The following SEM1 variants were observed in gnomAD, a reference collection of about 807,000 sequenced individuals.
SEM1 encodes 26S proteasome complex subunit SEM1.
Under a neutral mutation model 12.7 loss-of-function variants are expected in SEM1, and 3 were observed. The ratio of observed to expected loss-of-function variants is 0.24; its 90% CI spans 0.11 to 0.61. The LOEUF is 0.61. Among genes scored for constraint, SEM1 ranks in the 20% least tolerant of loss-of-function variants. The pLI is 0.88. For synonymous variants in SEM1, 30 were observed against 27.8 expected (o/e 1.08, Z -0.25); for missense variants, 59 against 81.3 (o/e 0.73, Z 1.06).
intron 2 of SEM1, among the ~76,000 whole-genome samples, chr7:96,588,384 AC>A: frequency 1.7e-5 from 1 of 57,884 alleles, no homozygotes; most frequent in African/African-American, 3.8e-5. Flanking sequence ...ACACACACAC[AC>A]ACACACACAC....
At chr7:96,616,990 G>A (rs914965836) in intron 2 of SEM1, among the ~76,000 whole-genome samples, 2 of 152,100 alleles carry the variant, frequency 1.3e-5, no homozygotes, top group Admixed American at 1.3e-4. Context: ...AATGCCTCCA[G>A]CTTAGTTCTT....
intron 1 of SEM1, among the ~76,000 whole-genome samples, chr7:96,705,459 T>A (rs974023357): frequency 1.4e-4 from 22 of 151,970 alleles, no homozygotes; most frequent in Non-Finnish European, 2.2e-4. Context: ...AATCCACATC[T>A]AATTGTCAGA....
intron 2 of SEM1, among the ~76,000 whole-genome samples, chr7:96,576,369 T>C (rs1275378654): frequency 6.6e-6 from 1 of 152,218 alleles, no homozygotes; most frequent in East Asian, 1.9e-4. Context: ...TAGTTACCCT[T>C]GACTTTTATG....
chr7:96,529,115 T>C (rs1481968526), intron 2 of SEM1, among the ~76,000 whole-genome samples: 1 of 152,140 alleles, frequency 6.6e-6, no homozygotes, highest in African/African-American at 2.4e-5. Flanking sequence ...AAAATCACTT[T>C]TTTACTCCAT....
chr7:96,521,905 C>T (rs1584733820), intron 2 of SEM1, among the ~76,000 whole-genome samples: 1 of 152,028 alleles, frequency 6.6e-6, no homozygotes, highest in East Asian at 1.9e-4. Context: ...CAAATGTGTC[C>T]AGATGGCCCT....
intron 2 of SEM1, among the ~76,000 whole-genome samples, chr7:96,527,528 G>T (rs985408912): frequency 2.6e-5 from 4 of 152,080 alleles, no homozygotes; most frequent in East Asian, 1.9e-4. Context: ...AAAATAATTT[G>T]CCAGGTAAAA....
intron 2 of SEM1, among the ~76,000 whole-genome samples, chr7:96,550,384 CT>C (rs1415720461): frequency 6.6e-6 from 1 of 152,180 alleles, no homozygotes; most frequent in Non-Finnish European, 1.5e-5. Context: ...CAATTACCAA[CT>C]GAAGTGCATT....
intron 2 of SEM1, among the ~76,000 whole-genome samples, chr7:96,545,048 T>C (rs1416255746): frequency 6.6e-6 from 1 of 152,010 alleles, no homozygotes; most frequent in Non-Finnish European, 1.5e-5. Flanking sequence ...TCTTCATAAC[T>C]TACCATTGGC....
chr7:96,501,070 A>G (rs931358884), upstream of SEM1, among the ~76,000 whole-genome samples: 3 of 151,924 alleles, frequency 2.0e-5, no homozygotes, highest in African/African-American at 7.3e-5. Flanking sequence ...GACTTCTTCA[A>G]TATCGTGACA....
intron 2 of SEM1, among the ~76,000 whole-genome samples, chr7:96,679,500 G>A (rs567111522): frequency 1.3e-5 from 2 of 152,060 alleles, no homozygotes; most frequent in African/African-American, 2.4e-5. Flanking sequence ...CTTGGTGATC[G>A]ATTTGTTGAA....
At chr7:96,583,912 G>C (rs921156912) in intron 2 of SEM1, among the ~76,000 whole-genome samples, 3 of 151,302 alleles carry the variant, frequency 2.0e-5, no homozygotes, top group African/African-American at 4.8e-5. Flanking sequence ...GATGGGTCTT[G>C]ACTCTTTATC....
chr7:96,700,632 A>T (rs1790240873), intron 1 of SEM1, among the ~76,000 whole-genome samples: 1 of 152,168 alleles, frequency 6.6e-6, no homozygotes, highest in Non-Finnish European at 1.5e-5. Flanking sequence ...TTTTCCTCTC[A>T]ATGTTTTCGC....
At chr7:96,557,517 A>T (rs1805554415) in intron 2 of SEM1, among the ~76,000 whole-genome samples, 2 of 90,846 alleles carry the variant, frequency 2.2e-5, no homozygotes, top group South Asian at 4.5e-4. Flanking sequence ...GTCAGGGGTC[A>T]GGGACCCACT....
intron 2 of SEM1, among the ~76,000 whole-genome samples, chr7:96,515,623 A>G (rs1361341561): frequency 1.3e-5 from 2 of 152,164 alleles, no homozygotes; most frequent in Non-Finnish European, 2.9e-5. Context: ...CTTGGAACCA[A>G]CCTAAATGTC....
intron 1 of SEM1, among the ~76,000 whole-genome samples, chr7:96,492,578 T>C (rs563144971): frequency 1.4e-5 from 2 of 138,466 alleles, no homozygotes; most frequent in Admixed American, 1.6e-4. Context: ...CCCGACTAAT[T>C]TTTTGTATTT....
downstream of SEM1, among the ~76,000 whole-genome samples, chr7:96,619,834 C>T (rs776507188): frequency 3.3e-5 from 5 of 152,118 alleles, no homozygotes; most frequent in African/African-American, 7.2e-5. Flanking sequence ...CCATGTTCTT[C>T]CCCTAGATGG....
intron 1 of SEM1, among the ~76,000 whole-genome samples, chr7:96,707,325 T>G (rs1284267774): frequency 2.0e-5 from 3 of 152,234 alleles, no homozygotes; most frequent in Non-Finnish European, 4.4e-5. Flanking sequence ...TTCTTTTGCT[T>G]TTGTTACTCA....
At chr7:96,548,755 G>A (rs1057288894) in intron 2 of SEM1, among the ~76,000 whole-genome samples, 11 of 152,268 alleles carry the variant, frequency 7.2e-5, no homozygotes, top group Admixed American at 7.2e-4. Flanking sequence ...TAAAGTATCT[G>A]TAGCGAGTAG....
Position 96,635,498 on chromosome 7 carries a change from G to T in SEM1, c.171-12855C>A, listed in dbSNP as rs115615116. On this transcript the variant is annotated intron_variant, in intron 2 of 2. Transcript: ENST00000417009. ...GGAGGACACACAGAAAAGGAGCAAG[G>T]CAGCAGGGGAAACAGGAAAAAGATA... 4.6e-3 allele frequency among the ~76,000 whole-genome samples: 703 copies of T among 152,256 alleles called. 7 individuals carry two copies. The highest frequency in any genetic ancestry group is 0.016 in the African/African-American group (666 of 41,566).
Sources: gnomAD v4.1 joint callset for allele counts (sites outside exome capture counted in the v4.1 genomes callset) on GRCh38, gnomAD v4.1.1 for gene constraint, MANE v1.5 for transcripts, NCBI Gene and HGNC (gene_info 2026-07-23, HGNC 2026-07-21) for gene names.